The following SORBS2 variants were observed in gnomAD, a reference collection of about 807,000 sequenced individuals.
SORBS2 encodes the protein sorbin and SH3 domain-containing protein 2.
Under a neutral mutation model 97.7 loss-of-function variants are expected in SORBS2, and 46 were observed. That is an observed-to-expected ratio of 0.47 (90% CI 0.37 to 0.60). The LOEUF is 0.60. Ranked by LOEUF, SORBS2 falls within the 20% of genes least tolerant of loss-of-function variation. SORBS2 has a pLI of 0.00. For synonymous variants in SORBS2, 476 were observed against 473.4 expected (o/e 1.01, Z -0.07); for missense variants, 1,316 against 1,282.3 (o/e 1.03, Z -0.40).
Position 185,623,529 on chromosome 4 carries a change from T to C in SORBS2, c.1600A>G (p.Thr534Ala). 1 of 1,613,984 alleles carries C rather than the reference T, an allele frequency of 6.2e-7. No homozygotes were observed. The highest frequency in any genetic ancestry group is 8.5e-7 in the Non-Finnish European group (1 of 1,179,990). Reference sequence around the variant, plus strand: ...GATCCGTAAAAGCTTTCGGAGGATGTGAAGGAAAAGTGATCAAAGTCACTT... The same window carrying C: ...GATCCGTAAAAGCTTTCGGAGGATGCGAAGGAAAAGTGATCAAAGTCACTT... Residue 534 changes from threonine (T) to alanine (A), a missense_variant, in exon 7 of 15, where the codon ACA becomes GCA. Coordinates refer to ENST00000418609, the Ensembl canonical transcript of SORBS2. This position sits in a 1 kb window ranked among gnomAD's most constrained non-coding sequence, Gnocchi z 6.4.
chr4:185,832,525 C>T (rs758141272), intron 1 of SORBS2, among the ~76,000 whole-genome samples: 9 of 152,164 alleles, frequency 5.9e-5, no homozygotes, highest in Admixed American at 2.6e-4. Context: ...TCACCATGGA[C>T]GTGGTTTGGT....
intron 5 of SORBS2, among the ~76,000 whole-genome samples, chr4:185,629,264 C>T (rs187621088): frequency 6.6e-6 from 1 of 152,178 alleles, no homozygotes; most frequent in Admixed American, 6.5e-5. Context: ...GTCTGTGTGT[C>T]TTTACGGCAA....
chr4:185,942,202 T>A (rs1450232765), intron 1 of SORBS2, among the ~76,000 whole-genome samples: 2 of 152,196 alleles, frequency 1.3e-5, no homozygotes, highest in African/African-American at 4.8e-5. Context: ...TTTGGAATTT[T>A]CATGTAACTC....
intron 1 of SORBS2, among the ~76,000 whole-genome samples, chr4:185,806,464 T>G (rs1161855624): frequency 3.3e-4 from 9 of 27,610 alleles, no homozygotes; most frequent in South Asian, 3.0e-3. Context: ...TTTTTTTTTT[T>G]TTTTTTTTTT....
rs552733233 is a variant in SORBS2 at position 185,834,271 on chromosome 4, C to G, written c.-337-58905G>C. Reference sequence around the variant, plus strand: ...GGATCTTGTTAAACCATAGAATCCGCCCCCGTGAGCCAATTACCTCCCACC... The same window carrying G: ...GGATCTTGTTAAACCATAGAATCCGGCCCCGTGAGCCAATTACCTCCCACC... On this transcript the variant is annotated intron_variant, in intron 1 of 20. Coordinates refer to the SORBS2 transcript ENST00000284776. Among the ~76,000 whole-genome samples, 5 of 152,104 alleles carry G rather than the reference C, an allele frequency of 3.3e-5. No homozygotes were observed. In the East Asian group the frequency reaches 9.7e-4, roughly 29 times the overall value.
At chr4:185,773,074 A>G (rs1473806073) in intron 2 of SORBS2, 4 of 152,070 alleles carry the variant, frequency 2.6e-5, no homozygotes, top group Non-Finnish European at 4.4e-5. Context: ...ACAAAACAAA[A>G]CAGGGGGAAA....
rs1309293681 is a variant in SORBS2 at position 185,618,622 on chromosome 4, C to T, written c.2314G>A (p.Ala772Thr). The change falls in exon 9 of 15, where the codon GCA becomes ACA. Residue 772 changes from alanine (A) to threonine (T), a missense_variant. Ala to Thr is a moderately conservative substitution (Grantham distance 58). Transcript: ENST00000418609. ...GCCTTAAAATCATAAACAGCTTTTGCAGGCAATTTCTGAAAAGGAAGATAA... is the reference window on the plus strand; with the variant it reads ...GCCTTAAAATCATAAACAGCTTTTGTAGGCAATTTCTGAAAAGGAAGATAA... 1.1e-5 allele frequency: 17 copies of T among 1,534,352 alleles called. No individual in the cohort carries two copies. In the Admixed American group the frequency reaches 1.9e-4, roughly 17 times the overall value.
chr4:185,679,728 C>T (rs1413284782), intron 2 of SORBS2, among the ~76,000 whole-genome samples: 1 of 152,182 alleles, frequency 6.6e-6, no homozygotes, highest in Non-Finnish European at 1.5e-5. Flanking sequence ...ATTCCTTCTA[C>T]GTGTTCCCCA....
chr4:185,874,943 C>G (rs757192760), intron 1 of SORBS2, among the ~76,000 whole-genome samples: 2 of 150,074 alleles, frequency 1.3e-5, no homozygotes, highest in Non-Finnish European at 3.0e-5. Flanking sequence ...AAAATCCGGA[C>G]TCTTTTTATT....
chr4:185,855,492 ATGTCAT>A (rs1158004635), intron 1 of SORBS2, among the ~76,000 whole-genome samples: 1 of 152,152 alleles, frequency 6.6e-6, no homozygotes, highest in African/African-American at 2.4e-5. Flanking sequence ...CTGGAGGGAA[ATGTCAT>A]TTCATTAGGA....
At chr4:185,739,349 T>A (rs1042035634) in intron 2 of SORBS2, among the ~76,000 whole-genome samples, 1 of 152,202 alleles carries the variant, frequency 6.6e-6, no homozygotes, top group Non-Finnish European at 1.5e-5. Context: ...GAGAAATGAA[T>A]TGTAGGGCAT....
At chr4:185,897,413 C>T (rs747062219) in intron 1 of SORBS2, among the ~76,000 whole-genome samples, 38 of 152,208 alleles carry the variant, frequency 2.5e-4, no homozygotes, top group Non-Finnish European at 4.0e-4. Context: ...CACACCCTTT[C>T]GTCCAATCCT....
intron 1 of SORBS2, among the ~76,000 whole-genome samples, chr4:185,955,841 C>G (rs1579666998): frequency 6.6e-6 from 1 of 152,200 alleles, no homozygotes; most frequent in East Asian, 1.9e-4. Context: ...CTTTGAGATA[C>G]TAGACCCTCC....
chr4:185,710,422 A>G (rs1028910218), intron 2 of SORBS2, among the ~76,000 whole-genome samples: 6 of 152,236 alleles, frequency 3.9e-5, no homozygotes, highest in African/African-American at 1.2e-4. Context: ...TTTTATGTAC[A>G]TGATTCTTTA....
intron 1 of SORBS2, among the ~76,000 whole-genome samples, chr4:185,780,007 A>ATTTTTTT (rs538693770): frequency 5.1e-5 from 5 of 98,108 alleles, no homozygotes; most frequent in Admixed American, 1.3e-4. Flanking sequence ...GTAGAGTAAC[A>ATTTTTTT]TTTTTTTTTT....
chr4:185,684,795 G>A lies in SORBS2; in HGVS notation c.-197-5973C>T. ...TGGAGAACTTTGCACTCTCTTCACA[G>A]ATGTTAGCGTAACAGACATGGCGGC... On this transcript the variant is annotated intron_variant, in intron 2 of 20. Coordinates refer to the SORBS2 transcript ENST00000284776. This position sits in a 1 kb window ranked among gnomAD's most constrained non-coding sequence, Gnocchi z 4.2. 1 of 1,551,994 alleles carries A rather than the reference G, an allele frequency of 6.4e-7. No individual in the cohort carries two copies. Among genetic ancestry groups the A allele is most frequent in the Non-Finnish European group, 8.7e-7 (1 of 1,147,038 alleles).
intron 5 of SORBS2, 99 bp downstream of exon 8, chr4:185,662,005 G>A: frequency 7.4e-7 from 1 of 1,358,642 alleles, no homozygotes; most frequent in South Asian, 1.4e-5. Context: ...CATGAGTGCT[G>A]AGCGCTCCCG....
chr4:185,631,653 G>A (rs570306570), intron 4 of SORBS2, among the ~76,000 whole-genome samples: 8 of 152,206 alleles, frequency 5.3e-5, no homozygotes, highest in East Asian at 1.9e-4. Flanking sequence ...TCCCAGCCAC[G>A]CAGGAGGCTG....
intron 2 of SORBS2, among the ~76,000 whole-genome samples, chr4:185,770,435 G>T (rs982883481): frequency 8.5e-5 from 13 of 152,148 alleles, no homozygotes; most frequent in Non-Finnish European, 1.9e-4. Context: ...GCATCATGTT[G>T]GTGCTCAAAA....
Sources: allele counts gnomAD v4.1 joint callset (sites outside exome capture counted in the v4.1 genomes callset), GRCh38; gene constraint gnomAD v4.1.1; non-coding constraint Gnocchi (gnomAD v3.1); transcripts MANE v1.5; gene names NCBI Gene and HGNC (gene_info 2026-07-23, HGNC 2026-07-21).